KIAA1958: variants seen among roughly 807,000 people sequenced by gnomAD.
KIAA1958 encodes KIAA1958, also known as uncharacterized protein KIAA1958.
Under a neutral mutation model 47.2 loss-of-function variants are expected in KIAA1958, and 14 were observed. The observed-to-expected ratio is 0.30, with a 90% CI of 0.20 to 0.46. The LOEUF (loss-of-function observed/expected upper bound fraction) is 0.46, where lower values mean the gene tolerates loss of function less well. Among genes scored for constraint, KIAA1958 ranks in the 20% least tolerant of loss-of-function variants. The pLI is 1.00. For missense variants in KIAA1958, 803 were observed against 909.2 expected, an observed-to-expected ratio of 0.88 and a Z score of 1.50; for synonymous variants, 354 against 353.3, an observed-to-expected ratio of 1.00 and a Z score of -0.02.
intron 1 of KIAA1958, among the ~76,000 whole-genome samples, chr9:112,551,502 T>C (rs1395904907): frequency 6.6e-6 from 1 of 152,244 alleles, no homozygotes; most frequent in Non-Finnish European, 1.5e-5. Flanking sequence ...AAACATAAAC[T>C]GAAGATGGTA....
At chr9:112,531,680 T>G (rs1055021173) in intron 1 of KIAA1958, among the ~76,000 whole-genome samples, 2 of 152,274 alleles carry the variant, frequency 1.3e-5, no homozygotes, top group Non-Finnish European at 2.9e-5. Flanking sequence ...TAATTCAGGT[T>G]GTTTTTCTTC....
chr9:112,593,179 T>C (rs1318555489), intron 2 of KIAA1958, among the ~76,000 whole-genome samples: 1 of 152,228 alleles, frequency 6.6e-6, no homozygotes, highest in East Asian at 1.9e-4. Context: ...TCTTTTTACA[T>C]GACAGAAAGC....
chr9:112,547,260 C>T (rs1320177389), intron 1 of KIAA1958, among the ~76,000 whole-genome samples: 1 of 151,420 alleles, frequency 6.6e-6, no homozygotes, highest in Non-Finnish European at 1.5e-5. Flanking sequence ...TGCCTGTGGT[C>T]CCAGCTACTC....
chr9:112,611,764 A>T lies in KIAA1958; in HGVS notation c.1172-33886A>T, dbSNP rs563532267. On this transcript the variant is annotated intron_variant, in intron 2 of 3. Transcript: ENST00000337530. ...AGCTTATTTGTTATACAAAAGTTTT[A>T]AAATATACTGGAATGTTCTGAAATA... Among the ~76,000 whole-genome samples the T allele has an allele frequency of 2.0e-5, 3 of 152,234 alleles. No homozygotes were observed. In the South Asian group the frequency reaches 6.2e-4, roughly 32 times the overall value.
At chr9:112,630,583 C>T (rs1231079402) in intron 2 of KIAA1958, among the ~76,000 whole-genome samples, 2 of 152,142 alleles carry the variant, frequency 1.3e-5, no homozygotes, top group African/African-American at 2.4e-5. Flanking sequence ...AGATATAATT[C>T]TCCATGTACC....
rs535685023 is a variant in KIAA1958, at chr9:112,527,381, G to A, written c.-25+40263G>A. On this transcript the variant is annotated intron_variant, in intron 1 of 3. Transcript: ENST00000337530. ...GGCATGAGGAATGGCTCTAAAACAGGAAGGAGCTTGATATTTTTAAGGAAT... is the reference window on the plus strand; with the variant it reads ...GGCATGAGGAATGGCTCTAAAACAGAAAGGAGCTTGATATTTTTAAGGAAT... Among the ~76,000 whole-genome samples the A allele has an allele frequency of 1.9e-4, 29 of 152,300 alleles. 1 individual carries two copies. In the South Asian group the frequency reaches 6.0e-3, roughly 32 times the overall value.
intron 1 of KIAA1958, among the ~76,000 whole-genome samples, chr9:112,533,437 C>T (rs1405459449): frequency 1.6e-5 from 2 of 123,384 alleles, no homozygotes; most frequent in Non-Finnish European, 3.5e-5. Context: ...AAAAAAATAG[C>T]CAGGCGTGGT....
chr9:112,659,864 A>T lies in KIAA1958; in HGVS notation c.1946A>T (p.Lys649Met). The change falls in exon 4 of 4, where the codon AAG becomes ATG. Residue 649 changes from lysine to methionine, a missense_variant. Lys to Met is a moderately conservative substitution (Grantham distance 95). This residue lies in a region of KIAA1958 where 761 missense variants were observed against 829.3 expected (regional missense o/e 0.92). Transcript: ENST00000337530. ...CGGCCGCCCACCCAAATGGAGGCCA[A>T]GTCCCCCTTCTACCTGACTGCCAGG... ...IHRPPTQMEA[K>M]SPFYLTARKE... 6.2e-7 allele frequency: 1 copy of T among 1,614,156 alleles called. No individual in the cohort carries two copies. Among genetic ancestry groups the T allele is most frequent in the South Asian group, 1.1e-5 (1 of 91,066 alleles).
chr9:112,646,896 G>A (rs1836984812), intron 3 of KIAA1958, among the ~76,000 whole-genome samples: 1 of 152,248 alleles, frequency 6.6e-6, no homozygotes, highest in Admixed American at 6.5e-5. Flanking sequence ...CAGATTTGCA[G>A]ATGGAAATGG....
rs111469617 is a variant in KIAA1958, at chr9:112,665,344, A to G, written c.*5275A>G. The stretch of plus-strand genomic sequence containing the variant: ...TTACGTGCTTTCTCACAGCTGCCAT[A>G]TATTCTCATGTAATCTTTACAACCG... On this transcript the variant is annotated 3_prime_UTR_variant, in exon 4 of 4. Coordinates refer to ENST00000337530, the MANE Select transcript of KIAA1958 (RefSeq NM_133465.4). 2.6e-5 allele frequency: 4 copies of G among 152,334 alleles called. No homozygotes were observed. The highest frequency in any genetic ancestry group is 2.1e-4 in the South Asian group (1 of 4,828). The allele number at this position is 152,334 out of a possible 1,614,324, so 9.4% of individuals were successfully genotyped here.
chr9:112,506,070 A>G (rs750467725), intron 1 of KIAA1958, among the ~76,000 whole-genome samples: 3 of 152,232 alleles, frequency 2.0e-5, no homozygotes, highest in Non-Finnish European at 2.9e-5. Context: ...GTGTTTCTAT[A>G]AAGTAATTTT....
chr9:112,542,098 T>C (rs1834954332), intron 1 of KIAA1958, among the ~76,000 whole-genome samples: 3 of 152,252 alleles, frequency 2.0e-5, no homozygotes, highest in Admixed American at 1.3e-4. Flanking sequence ...GAGTGTACTC[T>C]TAATAAATCT....
In KIAA1958 at chr9:112,640,011, C is replaced by T. The variant is rs113265577; in HGVS notation, c.1172-5639C>T. Among the ~76,000 whole-genome samples, 5 of 152,288 alleles carry T rather than the reference C, an allele frequency of 3.3e-5. 1 individual carries two copies. Among genetic ancestry groups the T allele is most frequent in the African/African-American group, 1.2e-4 (5 of 41,566 alleles). On this transcript the variant is annotated intron_variant, in intron 2 of 3. Coordinates refer to ENST00000337530, the MANE Select transcript of KIAA1958 (RefSeq NM_133465.4). Reference sequence around the variant, plus strand: ...TTCAAATTATTTTTGTGTCAGAGAACTTGAATAATCCATGTTATCTGTAGG... The same window carrying T: ...TTCAAATTATTTTTGTGTCAGAGAATTTGAATAATCCATGTTATCTGTAGG...
chr9:112,542,057 C>T (rs1444882977), intron 1 of KIAA1958, among the ~76,000 whole-genome samples: 1 of 152,062 alleles, frequency 6.6e-6, no homozygotes, highest in Non-Finnish European at 1.5e-5. Flanking sequence ...GGGTTAGTTG[C>T]CTTGCAAGTA....
At chr9:112,566,289 T>C (rs972746469) in intron 1 of KIAA1958, among the ~76,000 whole-genome samples, 1 of 152,176 alleles carries the variant, frequency 6.6e-6, no homozygotes, top group South Asian at 2.1e-4. Context: ...CACCTGGTCT[T>C]TTATTTTCAC....
In KIAA1958 at chr9:112,618,785, G is replaced by A; in HGVS notation, c.1172-26865G>A. 6 of 1,550,604 alleles carry A rather than the reference G, an allele frequency of 3.9e-6. No individual in the cohort carries two copies. The highest frequency in any genetic ancestry group is 5.2e-6 in the Non-Finnish European group (6 of 1,147,006). On this transcript the variant is annotated intron_variant, in intron 2 of 3. Coordinates refer to ENST00000337530, the MANE Select transcript of KIAA1958 (RefSeq NM_133465.4). This position sits in a 1 kb window ranked among gnomAD's most constrained non-coding sequence, Gnocchi z 7.1. ...TCAGAGCTGCAGCACCTTGTCTGAG[G>A]CCCAGAGCAACCAGCTCGTGCTGAT...
intron 2 of KIAA1958, among the ~76,000 whole-genome samples, chr9:112,587,105 G>A (rs1184822905): frequency 2.0e-5 from 3 of 152,052 alleles, no homozygotes; most frequent in African/African-American, 7.2e-5. Flanking sequence ...GTAACTAATG[G>A]CTTGTGTCCC....
intron 1 of KIAA1958, among the ~76,000 whole-genome samples, chr9:112,533,721 G>A (rs548682253): frequency 2.0e-5 from 3 of 152,244 alleles, no homozygotes; most frequent in East Asian, 1.9e-4. Flanking sequence ...GAGTGCAGGC[G>A]GGGGAAATGG....
chr9:112,516,279 T>TA (rs34888337), intron 1 of KIAA1958, among the ~76,000 whole-genome samples: 139,977 of 147,834 alleles, frequency 0.95, 66,271 homozygotes, highest in South Asian at 0.98. Context: ...CCTCATCTCT[T>TA]AAAAAAAAAA....
Sources: gnomAD v4.1 joint callset for allele counts (sites outside exome capture counted in the v4.1 genomes callset) on GRCh38, gnomAD v4.1.1 for gene constraint, gnomAD v4.1.1 regional missense constraint, Gnocchi (gnomAD v3.1) non-coding constraint, MANE v1.5 for transcripts, NCBI Gene and HGNC (gene_info 2026-07-23, HGNC 2026-07-21) for gene names.